PPHLN1: variants seen among roughly 807,000 people sequenced by gnomAD.
PPHLN1 encodes the protein periphilin-1.
Under a neutral mutation model 51.3 loss-of-function variants are expected in PPHLN1, and 29 were observed. The observed-to-expected ratio is 0.57, with a 90% CI of 0.42 to 0.77. The LOEUF (loss-of-function observed/expected upper bound fraction) is 0.77, where lower values mean the gene tolerates loss of function less well. PPHLN1 is among the 30% of genes least tolerant of loss of function. The pLI is 0.00. For synonymous variants in PPHLN1, 147 were observed against 147.8 expected (o/e 0.99, Z 0.04); for missense variants, 436 against 438.4 (o/e 0.99, Z 0.05).
intron 2 of PPHLN1, chr12:42,343,939 A>G (rs1372595131): frequency 2.3e-6 from 1 of 437,946 alleles, no homozygotes; most frequent in Admixed American, 2.6e-5. Flanking sequence ...CTAAAATAAG[A>G]ATGTATGTCA....
At chr12:42,427,047 A>G (rs2081566706) in intron 9 of PPHLN1, among the ~76,000 whole-genome samples, 1 of 152,038 alleles carries the variant, frequency 6.6e-6, no homozygotes. Flanking sequence ...ACTTTTTTTC[A>G]CTTCGAGAAC....
downstream of PPHLN1, chr12:42,442,650 G>A: frequency 1.2e-6 from 2 of 1,614,122 alleles, no homozygotes; most frequent in South Asian, 2.2e-5. Flanking sequence ...GAGTCTGCAG[G>A]ACAGACTTGG....
intron 9 of PPHLN1, chr12:42,400,312 C>CA (rs2078682106): frequency 6.6e-6 from 1 of 151,040 alleles, no homozygotes; most frequent in Non-Finnish European, 1.5e-5. Flanking sequence ...ACTAAAAATA[C>CA]AAAAAATTAG....
chr12:42,353,525 G>C (rs545135858), intron 3 of PPHLN1, among the ~76,000 whole-genome samples: 1 of 152,116 alleles, frequency 6.6e-6, no homozygotes. Flanking sequence ...GTGTTTTCTC[G>C]TGTTTGTTTC....
chr12:42,420,484 T>C (rs1565995718), intron 9 of PPHLN1, among the ~76,000 whole-genome samples: 2 of 151,594 alleles, frequency 1.3e-5, no homozygotes, highest in Admixed American at 6.6e-5. Flanking sequence ...TTTTTTTTTT[T>C]CTGAGATGGA....
At chr12:42,351,496 A>G (rs912630301) in intron 2 of PPHLN1, 1 of 153,310 alleles carries the variant, frequency 6.5e-6, no homozygotes, top group Non-Finnish European at 1.5e-5. Flanking sequence ...TTTCTTCTAA[A>G]TAGTATAGTA....
chr12:42,397,037 C>CAAA (rs34558119), intron 8 of PPHLN1, among the ~76,000 whole-genome samples: 10 of 129,004 alleles, frequency 7.8e-5, no homozygotes, highest in Admixed American at 7.7e-5. Context: ...GACCTAGTCT[C>CAAA]AAAAAAAAAA....
intron 9 of PPHLN1, among the ~76,000 whole-genome samples, chr12:42,436,554 T>G (rs1165278900): frequency 1.3e-5 from 2 of 152,184 alleles, no homozygotes; most frequent in East Asian, 3.9e-4. Flanking sequence ...CAAAAAACCT[T>G]CCACCTATTA....
In PPHLN1 at chr12:42,441,669, T is replaced by G. The variant is rs1356764181; in HGVS notation, c.*160T>G. 1.6e-6 allele frequency: 2 copies of G among 1,277,342 alleles called. No homozygotes were observed. Among genetic ancestry groups the G allele is most frequent in the African/African-American group, 1.5e-5 (1 of 65,094 alleles). 79.1% of individuals were successfully genotyped at this position (1,277,342 alleles called of 1,614,324 possible). A position where few individuals can be genotyped will look rare whatever the true frequency, so the allele number is the denominator to read the frequency against. ...TAAATAAACATCTAAAATAGTCTGT[T>G]TAAAATGTTTGATTCAAATTTTTGT... On this transcript the variant is annotated 3_prime_UTR_variant, in exon 10 of 10. Coordinates refer to ENST00000358314, the MANE Select transcript of PPHLN1 (RefSeq NM_201439.2).
intron 9 of PPHLN1, among the ~76,000 whole-genome samples, chr12:42,435,367 T>A (rs1352130115): frequency 6.6e-6 from 1 of 152,240 alleles, no homozygotes; most frequent in African/African-American, 2.4e-5. Context: ...GTGTTCATAA[T>A]GCATTTCTTA....
At chr12:42,446,875 T>G (rs181342260), downstream of PPHLN1, 882 of 420,088 alleles carry the variant, frequency 2.1e-3, 3 homozygotes, top group Non-Finnish European at 2.7e-3. Context: ...TAAAGGAATT[T>G]ATCTAGATAA....
At chr12:42,377,104 ATT>A (rs35068416) in intron 5 of PPHLN1, among the ~76,000 whole-genome samples, 3 of 147,796 alleles carry the variant, frequency 2.0e-5, no homozygotes, top group Admixed American at 6.7e-5. Flanking sequence ...CTTTTTTGCG[ATT>A]TTTTTTTTTA....
intron 9 of PPHLN1, among the ~76,000 whole-genome samples, chr12:42,438,844 C>A (rs1267789055): frequency 6.6e-6 from 1 of 152,126 alleles, no homozygotes; most frequent in Admixed American, 6.5e-5. Context: ...CCTCGTGATC[C>A]GCCTGCCTCA....
At chr12:42,403,528 A>G (rs999939791) in intron 9 of PPHLN1, among the ~76,000 whole-genome samples, 1 of 152,216 alleles carries the variant, frequency 6.6e-6, no homozygotes, top group Non-Finnish European at 1.5e-5. Flanking sequence ...AATTTGTATC[A>G]TATTTAAAAG....
At chr12:42,415,386 G>T (rs1223290228) in intron 9 of PPHLN1, among the ~76,000 whole-genome samples, 1 of 152,160 alleles carries the variant, frequency 6.6e-6, no homozygotes, top group Non-Finnish European at 1.5e-5. Flanking sequence ...TGGCCAGGCT[G>T]GTCTTGGAAC....
downstream of PPHLN1, chr12:42,446,108 A>G (rs2083304341): frequency 3.9e-6 from 6 of 1,555,946 alleles, no homozygotes; most frequent in Non-Finnish European, 5.2e-6. Flanking sequence ...GCAGCCCCGG[A>G]AGAAACGGGT....
At chr12:42,414,576 G>T (rs1329745872) in intron 9 of PPHLN1, among the ~76,000 whole-genome samples, 2 of 152,030 alleles carry the variant, frequency 1.3e-5, no homozygotes, top group African/African-American at 4.8e-5. Context: ...TTGATTCTCA[G>T]CTTGGTCGTT....
At chr12:42,352,303 T>C (rs2073461844) in intron 3 of PPHLN1, among the ~76,000 whole-genome samples, 1 of 152,018 alleles carries the variant, frequency 6.6e-6, no homozygotes, top group African/African-American at 2.4e-5. Context: ...CTTTTTTTAT[T>C]CCCCTAAATT....
chr12:42,388,232 A>C (rs2077362508), intron 7 of PPHLN1, among the ~76,000 whole-genome samples: 1 of 152,180 alleles, frequency 6.6e-6, no homozygotes, highest in African/African-American at 2.4e-5. Flanking sequence ...TGGGAACTGA[A>C]TGTCTTGGTA....
Sources: allele counts gnomAD v4.1 joint callset (sites outside exome capture counted in the v4.1 genomes callset), GRCh38; gene constraint gnomAD v4.1.1; transcripts MANE v1.5; gene names NCBI Gene and HGNC (gene_info 2026-07-23, HGNC 2026-07-21).